The following C2orf76 variants were observed in gnomAD, a reference collection of about 807,000 sequenced individuals.
C2orf76 encodes the protein chromosome 2 open reading frame 76.
In C2orf76, 23 loss-of-function variants were observed where a neutral mutation model predicts 16.9. The observed-to-expected ratio is 1.36, with a 90% CI of 0.98 to 1.93. C2orf76 has a LOEUF of 1.93. Among genes scored for constraint, C2orf76 ranks in the 30% most tolerant of loss-of-function variants. The pLI, the probability that C2orf76 is intolerant of heterozygous loss-of-function variation, is 0.00. For missense variants in C2orf76, 152 were observed against 152.6 expected, an observed-to-expected ratio of 1.00 and a Z score of 0.02; for synonymous variants, 48 against 52.3, an observed-to-expected ratio of 0.92 and a Z score of 0.35.
intron 1 of C2orf76, among the ~76,000 whole-genome samples, chr2:119,346,561 C>T (rs1372586789): frequency 1.3e-5 from 2 of 152,156 alleles, no homozygotes; most frequent in Non-Finnish European, 2.9e-5. Context: ...CTGTATAATT[C>T]CATTTTTATG....
At chr2:119,349,807 T>A (rs1457274234) in intron 1 of C2orf76, among the ~76,000 whole-genome samples, 1 of 152,172 alleles carries the variant, frequency 6.6e-6, no homozygotes, top group African/African-American at 2.4e-5. Flanking sequence ...GATGTCGATG[T>A]CATCTGTTTT....
intron 1 of C2orf76, among the ~76,000 whole-genome samples, chr2:119,349,615 C>A (rs1232361896): frequency 6.6e-6 from 1 of 152,182 alleles, no homozygotes; most frequent in Non-Finnish European, 1.5e-5. Flanking sequence ...CTCTACCACA[C>A]CTCTCCAGCC....
chr2:119,362,656 C>T (rs1680781390), intron 1 of C2orf76, among the ~76,000 whole-genome samples: 1 of 152,194 alleles, frequency 6.6e-6, no homozygotes, highest in African/African-American at 2.4e-5. Context: ...AGAGCGCAGG[C>T]AGCACCTGAC....
At chr2:119,344,999 C>G (rs1478748344) in intron 1 of C2orf76, among the ~76,000 whole-genome samples, 1 of 152,108 alleles carries the variant, frequency 6.6e-6, no homozygotes, top group Non-Finnish European at 1.5e-5. Flanking sequence ...TTATCTCACT[C>G]CTTATACAAA....
At chr2:119,292,449 A>G in the C2orf76 span, among the ~76,000 whole-genome samples, 1 of 152,178 alleles carries the variant, frequency 6.6e-6, no homozygotes, top group African/African-American at 2.4e-5. Context: ...GCAGAAAAGA[A>G]CTGTCAGCCG....
chr2:119,350,683 A>G (rs1345617361), intron 1 of C2orf76, among the ~76,000 whole-genome samples: 1 of 152,190 alleles, frequency 6.6e-6, no homozygotes, highest in Non-Finnish European at 1.5e-5. Context: ...GAGACCCCAT[A>G]GATGAGATGG....
At chr2:119,355,229 G>A (rs1036779315) in intron 1 of C2orf76, among the ~76,000 whole-genome samples, 2 of 152,198 alleles carry the variant, frequency 1.3e-5, no homozygotes, top group African/African-American at 4.8e-5. Flanking sequence ...GCAACCATCA[G>A]TGAGAATATT....
intron 2 of C2orf76, among the ~76,000 whole-genome samples, chr2:119,323,700 C>G (rs1292687382): frequency 6.6e-6 from 1 of 152,178 alleles, no homozygotes; most frequent in Non-Finnish European, 1.5e-5. Context: ...AGAGGCCAGA[C>G]AGGTGACAAC....
intron 4 of C2orf76, among the ~76,000 whole-genome samples, chr2:119,315,744 G>A (rs1287462461): frequency 6.6e-6 from 1 of 152,078 alleles, no homozygotes; most frequent in African/African-American, 2.4e-5. Flanking sequence ...AATTGTTTTG[G>A]GAGTCCTCCC....
intron 1 of C2orf76, among the ~76,000 whole-genome samples, chr2:119,361,172 C>T (rs1680732638): frequency 6.6e-6 from 1 of 152,218 alleles, no homozygotes; most frequent in Non-Finnish European, 1.5e-5. Flanking sequence ...GTAGTCCTCA[C>T]TTACAGTTCC....
chr2:119,338,472 C>T (rs1679920790), intron 2 of C2orf76, among the ~76,000 whole-genome samples: 1 of 152,148 alleles, frequency 6.6e-6, no homozygotes, highest in African/African-American at 2.4e-5. Context: ...TGTCTTGTCA[C>T]TTCTCTAAAA....
chr2:119,323,042 G>A (rs1435825528), intron 2 of C2orf76, among the ~76,000 whole-genome samples: 1 of 152,148 alleles, frequency 6.6e-6, no homozygotes, highest in Non-Finnish European at 1.5e-5. Context: ...TTTTGAGACA[G>A]GGTCTTGCTC....
chr2:119,342,431 T>C (rs1383314800), intron 1 of C2orf76, among the ~76,000 whole-genome samples: 1 of 151,972 alleles, frequency 6.6e-6, no homozygotes, highest in Non-Finnish European at 1.5e-5. Context: ...GCCAACGTGG[T>C]GAAACCCAGC....
chr2:119,339,729 T>C, intron 2 of C2orf76, 98 bp downstream of exon 2: 1 of 1,342,542 alleles, frequency 7.4e-7, no homozygotes, highest in Non-Finnish European at 1.0e-6. Context: ...GGTTAATCTT[T>C]CAAAGTACTT....
the C2orf76 span, among the ~76,000 whole-genome samples, chr2:119,284,560 C>G: frequency 3.3e-5 from 5 of 152,108 alleles, no homozygotes; most frequent in Admixed American, 3.3e-4. Context: ...ACCAAATTAC[C>G]TCCACCCCAA....
At chr2:119,316,113 T>G (rs372755704) in intron 4 of C2orf76, among the ~76,000 whole-genome samples, 1 of 152,368 alleles carries the variant, frequency 6.6e-6, no homozygotes. Flanking sequence ...TATTTGTATT[T>G]GTATTTTAGA....
chr2:119,351,717 A>G (rs1319784701), intron 1 of C2orf76, among the ~76,000 whole-genome samples: 2 of 151,942 alleles, frequency 1.3e-5, no homozygotes, highest in Non-Finnish European at 2.9e-5. Flanking sequence ...TTGCACCACT[A>G]TACTCCAGCC....
At chr2:119,316,680 T>C (rs924830802) in intron 4 of C2orf76, among the ~76,000 whole-genome samples, 27 of 152,300 alleles carry the variant, frequency 1.8e-4, no homozygotes, top group African/African-American at 6.5e-4. Context: ...AAAATTGTTA[T>C]GGAAAAACTC....
At chr2:119,326,234 T>C (rs1679506699) in intron 2 of C2orf76, among the ~76,000 whole-genome samples, 1 of 152,212 alleles carries the variant, frequency 6.6e-6, no homozygotes, top group Admixed American at 6.5e-5. Flanking sequence ...TCTTGGCCAA[T>C]TTTGAGTTAT....
Sources: gnomAD v4.1 joint callset for allele counts (sites outside exome capture counted in the v4.1 genomes callset) on GRCh38, gnomAD v4.1.1 for gene constraint, MANE v1.5 for transcripts, NCBI Gene and HGNC (gene_info 2026-07-23, HGNC 2026-07-21) for gene names.